CRISPLD1: variants seen among roughly 807,000 people sequenced by gnomAD.
CRISPLD1 encodes cysteine-rich secretory protein LCCL domain-containing 1.
A neutral mutation model predicts 77.5 loss-of-function variants in CRISPLD1; 60 were observed. The ratio of observed to expected loss-of-function variants is 0.77; its 90% CI spans 0.63 to 0.96. The LOEUF (loss-of-function observed/expected upper bound fraction) is 0.96, where lower values mean the gene tolerates loss of function less well. Ranked by LOEUF, CRISPLD1 falls within the 40% of genes least tolerant of loss-of-function variation. The pLI is 0.00. For synonymous variants in CRISPLD1, 195 were observed against 200.1 expected, an observed-to-expected ratio of 0.97 and a Z score of 0.22; for missense variants, 623 against 615.8, an observed-to-expected ratio of 1.01 and a Z score of -0.12.
At chr8:75,023,881 T>A (rs1813185876) in intron 12 of CRISPLD1, among the ~76,000 whole-genome samples, 1 of 152,150 alleles carries the variant, frequency 6.6e-6, no homozygotes, top group Non-Finnish European at 1.5e-5. Flanking sequence ...GAGAGTAGAT[T>A]TTTTAAAATA....
intron 12 of CRISPLD1, among the ~76,000 whole-genome samples, 197 bp downstream of exon 12, chr8:75,020,276 A>G (rs933297404): frequency 2.6e-5 from 4 of 152,218 alleles, no homozygotes; most frequent in African/African-American, 9.6e-5. Flanking sequence ...CTGCTATTTC[A>G]TAATGTCAGG....
chr8:74,995,196 GA>G (rs1377820157), intron 2 of CRISPLD1, among the ~76,000 whole-genome samples: 1 of 152,100 alleles, frequency 6.6e-6, no homozygotes, highest in Non-Finnish European at 1.5e-5. Context: ...AAAACACAAA[GA>G]AAATTGAGAA....
At chr8:75,009,618 T>C (rs1812894921) in intron 2 of CRISPLD1, among the ~76,000 whole-genome samples, 2 of 151,982 alleles carry the variant, frequency 1.3e-5, no homozygotes, top group African/African-American at 4.8e-5. Context: ...AGTGTAGTTA[T>C]GTCCTATGTA....
At chr8:74,995,641 A>T in intron 2 of CRISPLD1, among the ~76,000 whole-genome samples, 1 of 152,170 alleles carries the variant, frequency 6.6e-6, no homozygotes, top group Non-Finnish European at 1.5e-5. Context: ...GGCCCAGCTA[A>T]TACACAGTCT....
At chr8:74,994,258 T>C (rs1812615620) in intron 2 of CRISPLD1, among the ~76,000 whole-genome samples, 1 of 152,180 alleles carries the variant, frequency 6.6e-6, no homozygotes, top group Non-Finnish European at 1.5e-5. Context: ...AGTATGAATA[T>C]AAATCCCTAT....
In CRISPLD1 at chr8:75,033,856, T is replaced by C. The variant is rs1056851254; in HGVS notation, c.*1614T>C. 10 of 152,086 alleles carry C rather than the reference T, an allele frequency of 6.6e-5. No homozygotes were observed. Among genetic ancestry groups the C allele is most frequent in the African/African-American group, 1.7e-4 (7 of 41,458 alleles). The allele number at this position is 152,086 out of a possible 1,614,324, so 9.4% of individuals were successfully genotyped here. A position where few individuals can be genotyped will look rare whatever the true frequency, so the allele number is the denominator to read the frequency against. ...ATGTATACGTTAAAGATTGCAAAACTTAAAAGCAGATTTTTATGGGAACTT... is the reference window on the plus strand; with the variant it reads ...ATGTATACGTTAAAGATTGCAAAACCTAAAAGCAGATTTTTATGGGAACTT... On this transcript the variant is annotated 3_prime_UTR_variant, in exon 15 of 15. Transcript: ENST00000262207.
Position 75,029,241 on chromosome 8 carries a change from T to C in CRISPLD1, c.1321-146T>C, listed in dbSNP as rs1411691822. 1.4e-5 allele frequency: 11 copies of C among 814,358 alleles called. No individual in the cohort carries two copies. In the African/African-American group the frequency reaches 1.6e-4, roughly 12 times the overall value. 50.4% of individuals were successfully genotyped at this position (814,358 alleles called of 1,614,324 possible). A position where few individuals can be genotyped will look rare whatever the true frequency, so the allele number is the denominator to read the frequency against. On this transcript the variant is annotated intron_variant, in intron 13 of 14. Transcript: ENST00000262207. ...TTGTGACGTTTCAAACACTCTTTTATGCACAAAACCTCATCCTGTAGCTGC... is the reference window on the plus strand; with the variant it reads ...TTGTGACGTTTCAAACACTCTTTTACGCACAAAACCTCATCCTGTAGCTGC...
chr8:75,022,296 A>G (rs1398966979), intron 12 of CRISPLD1, among the ~76,000 whole-genome samples: 6 of 151,944 alleles, frequency 3.9e-5, no homozygotes, highest in Non-Finnish European at 8.8e-5. Context: ...TAAAATTTGT[A>G]ATAGTTTTGG....
At chr8:75,022,081 A>G (rs1022794886) in intron 12 of CRISPLD1, among the ~76,000 whole-genome samples, 1 of 152,210 alleles carries the variant, frequency 6.6e-6, no homozygotes, top group African/African-American at 2.4e-5. Context: ...CAAGCTCCCT[A>G]TTTCTTGGCT....
chr8:75,028,268 G>T (rs967253727), intron 13 of CRISPLD1, among the ~76,000 whole-genome samples: 3 of 152,122 alleles, frequency 2.0e-5, no homozygotes, highest in Non-Finnish European at 4.4e-5. Flanking sequence ...TAAACAGCTT[G>T]GCATTCAGAC....
intron 2 of CRISPLD1, among the ~76,000 whole-genome samples, chr8:75,009,325 A>G (rs1000592469): frequency 6.6e-6 from 1 of 151,364 alleles, no homozygotes; most frequent in Middle Eastern, 3.2e-3. Context: ...GTGTCTTAAC[A>G]GGAAAAAAAA....
intron 14 of CRISPLD1, among the ~76,000 whole-genome samples, chr8:75,031,332 T>C (rs1473526045): frequency 6.6e-5 from 10 of 152,100 alleles, no homozygotes; most frequent in Non-Finnish European, 1.5e-5. Flanking sequence ...AAAAGTCTTT[T>C]GTAATTATTA....
intron 12 of CRISPLD1, among the ~76,000 whole-genome samples, chr8:75,024,771 C>T (rs1385690579): frequency 6.6e-6 from 1 of 152,024 alleles, no homozygotes; most frequent in Non-Finnish European, 1.5e-5. Context: ...GATTGAGGTG[C>T]TTGGGGATGC....
chr8:75,000,126 G>A (rs1014978851), intron 2 of CRISPLD1: 2 of 984,690 alleles, frequency 2.0e-6, no homozygotes, highest in Non-Finnish European at 1.2e-6. Context: ...GTATGTCATA[G>A]CAACTCAAAC....
chr8:74,990,653 G>A (rs1205893745), intron 2 of CRISPLD1, among the ~76,000 whole-genome samples: 1 of 151,346 alleles, frequency 6.6e-6, no homozygotes, highest in Non-Finnish European at 1.5e-5. Flanking sequence ...ACTGCACACT[G>A]CAAGTGTCAA....
chr8:75,017,220 A>G, intron 9 of CRISPLD1, 100 bp from the exon 10 acceptor site: 1 of 1,541,616 alleles, frequency 6.5e-7, no homozygotes, highest in Non-Finnish European at 8.9e-7. Context: ...TTTGCTCAGA[A>G]ATGTTTATTT....
chr8:74,988,344 A>G (rs1449502746), intron 2 of CRISPLD1, among the ~76,000 whole-genome samples: 2 of 152,178 alleles, frequency 1.3e-5, no homozygotes, highest in Non-Finnish European at 2.9e-5. Context: ...GTGTCCTATG[A>G]TAAGTACTGC....
rs71565425 is a variant in CRISPLD1 at position 75,022,589 on chromosome 8, G to GA, written c.1244+2526dup. 9.9e-3 allele frequency among the ~76,000 whole-genome samples: 814 copies of GA among 82,252 alleles called. 10 individuals carry two copies. The highest frequency in any genetic ancestry group is 0.031 in the African/African-American group (605 of 19,808). The allele number at this position is 82,252 out of a possible 152,430, so 54.0% of individuals were successfully genotyped here. ...GGCGAAAGAGCGAGACTCTGTCTCA[G>GA]AAAAAAAAAAAAAAAAGAAAAAAAA... On this transcript the variant is annotated intron_variant, in intron 12 of 14. Coordinates refer to ENST00000262207, the MANE Select transcript of CRISPLD1 (RefSeq NM_031461.6).
At chr8:75,006,578 G>A (rs1812834639) in intron 2 of CRISPLD1, among the ~76,000 whole-genome samples, 3 of 152,052 alleles carry the variant, frequency 2.0e-5, no homozygotes, top group Non-Finnish European at 4.4e-5. Context: ...ATAGGGACTA[G>A]CATTTAACAA....
Sources: allele counts gnomAD v4.1 joint callset (sites outside exome capture counted in the v4.1 genomes callset), GRCh38; gene constraint gnomAD v4.1.1; transcripts MANE v1.5; gene names NCBI Gene and HGNC (gene_info 2026-07-23, HGNC 2026-07-21).